Variants in FAM81A observed in about 807,000 individuals in gnomAD.
FAM81A encodes protein FAM81A.
FAM81A carries 19 observed loss-of-function variants against 46.7 expected under a neutral mutation model. That is an observed-to-expected ratio of 0.41 (90% CI 0.28 to 0.60). FAM81A has a LOEUF of 0.60. Among genes scored for constraint, FAM81A ranks in the 20% least tolerant of loss-of-function variants. The pLI is 0.34. For synonymous variants in FAM81A, 183 were observed against 152.9 expected (o/e 1.20, Z -1.45); for missense variants, 377 against 453.5 (o/e 0.83, Z 1.53).
At chr15:59,480,358 C>T (rs1433957603) in intron 3 of FAM81A, among the ~76,000 whole-genome samples, 2 of 152,126 alleles carry the variant, frequency 1.3e-5, no homozygotes, top group Non-Finnish European at 2.9e-5. Context: ...TTCCTGGCAA[C>T]GCTGGCCTGT....
At chr15:59,409,434 G>C (rs1220395083) in intron 2 of FAM81A, among the ~76,000 whole-genome samples, 1 of 152,128 alleles carries the variant, frequency 6.6e-6, no homozygotes, top group Admixed American at 6.6e-5. Flanking sequence ...CATGCTTCAT[G>C]ACCATGTGGT....
At chr15:59,495,012 T>C (rs1356484903) in intron 4 of FAM81A, among the ~76,000 whole-genome samples, 1 of 151,972 alleles carries the variant, frequency 6.6e-6, no homozygotes, top group African/African-American at 2.4e-5. Context: ...CTCCTTTCTC[T>C]CTCCTCTCTC....
At chr15:59,429,148 C>G (rs1382241762) in intron 2 of FAM81A, among the ~76,000 whole-genome samples, 2 of 152,164 alleles carry the variant, frequency 1.3e-5, no homozygotes, top group Non-Finnish European at 2.9e-5. Context: ...TCTTCAACTG[C>G]TAATATTGGG....
At chr15:59,482,060 A>C (rs527617670) in intron 3 of FAM81A, among the ~76,000 whole-genome samples, 137 of 152,186 alleles carry the variant, frequency 9.0e-4, no homozygotes, top group African/African-American at 3.1e-3. Flanking sequence ...TCCCACTATC[A>C]ACATCCCACA....
At chr15:59,414,961 G>C (rs537658216) in intron 2 of FAM81A, among the ~76,000 whole-genome samples, 1 of 146,036 alleles carries the variant, frequency 6.8e-6, no homozygotes, top group Non-Finnish European at 1.5e-5. Flanking sequence ...GACTACAGGC[G>C]TCCGCCACAA....
chr15:59,517,070 G>A (rs1315941131), intron 8 of FAM81A, among the ~76,000 whole-genome samples: 1 of 152,114 alleles, frequency 6.6e-6, no homozygotes, highest in African/African-American at 2.4e-5. Context: ...AACTGAAATT[G>A]CTTAGCCTGC....
At chr15:59,507,837 A>G (rs1418595337) in intron 5 of FAM81A, among the ~76,000 whole-genome samples, 1 of 152,232 alleles carries the variant, frequency 6.6e-6, no homozygotes, top group Non-Finnish European at 1.5e-5. Flanking sequence ...TCACAGATTA[A>G]TTTCACAAAG....
chr15:59,460,489 A>C lies in FAM81A; in HGVS notation c.294+283A>C. ...ATTTTGTTTGGCTCTTAATGAAGAG[A>C]GAGAAGAACTAGTCGAATAGTTTCA... On this transcript the variant is annotated intron_variant, in intron 3 of 8. Transcript: ENST00000288228. The surrounding 1 kb of genome is among the most constrained non-coding windows in gnomAD (Gnocchi z 4.4). 1 of 488,912 alleles carries C rather than the reference A, an allele frequency of 2.0e-6. No individual in the cohort carries two copies. Among genetic ancestry groups the C allele is most frequent in the Non-Finnish European group, 3.7e-6 (1 of 267,976 alleles). 30.3% of individuals were successfully genotyped at this position (488,912 alleles called of 1,614,324 possible).
At chr15:59,443,498 T>C (rs1324106628) in intron 1 of FAM81A, among the ~76,000 whole-genome samples, 2 of 152,222 alleles carry the variant, frequency 1.3e-5, no homozygotes, top group African/African-American at 4.8e-5. Context: ...CCAGTCATTC[T>C]GTCTCTCGTG....
chr15:59,507,901 C>T (rs2082166312), intron 5 of FAM81A, among the ~76,000 whole-genome samples: 2 of 152,192 alleles, frequency 1.3e-5, no homozygotes, highest in African/African-American at 4.8e-5. Flanking sequence ...TTTCCCTTTG[C>T]CATCATAGGG....
chr15:59,458,144 G>A (rs2081506610), intron 1 of FAM81A, among the ~76,000 whole-genome samples: 1 of 152,124 alleles, frequency 6.6e-6, no homozygotes, highest in Non-Finnish European at 1.5e-5. Flanking sequence ...AAAGTTTTCT[G>A]AGATCAAATT....
intron 1 of FAM81A, among the ~76,000 whole-genome samples, chr15:59,449,917 C>A (rs1596479466): frequency 7.3e-6 from 1 of 136,244 alleles, no homozygotes; most frequent in South Asian, 2.4e-4. Context: ...ATTTCTTTTT[C>A]TCTTTCTTTC....
intron 4 of FAM81A, among the ~76,000 whole-genome samples, chr15:59,499,365 C>T (rs2082066771): frequency 6.6e-6 from 1 of 152,158 alleles, no homozygotes. Flanking sequence ...ATGTAATGTA[C>T]ATTGTTCTAT....
chr15:59,416,621 T>A (rs1429649297), intron 2 of FAM81A, among the ~76,000 whole-genome samples: 3 of 152,140 alleles, frequency 2.0e-5, no homozygotes, highest in African/African-American at 7.2e-5. Flanking sequence ...CAATCCCTCC[T>A]AAGATTTACT....
chr15:59,458,468 A>T, intron 1 of FAM81A, 82 bp from the exon 2 acceptor site: 2 of 864,468 alleles, frequency 2.3e-6, no homozygotes, highest in Non-Finnish European at 1.8e-6. Context: ...TTTATGATCC[A>T]CTTAGCAACT....
intron 3 of FAM81A, among the ~76,000 whole-genome samples, chr15:59,463,809 GT>G (rs1168216721): frequency 1.3e-5 from 2 of 151,602 alleles, no homozygotes; most frequent in African/African-American, 2.4e-5. Context: ...AATTTTGTCA[GT>G]TTTTTTTGTT....
chr15:59,401,922 T>C, intron 1 of FAM81A: 1 of 752,700 alleles, frequency 1.3e-6, no homozygotes, highest in Non-Finnish European at 2.4e-6. Context: ...CTCTCGACTT[T>C]CTTTCTTTCT....
intron 4 of FAM81A, among the ~76,000 whole-genome samples, chr15:59,498,447 A>G (rs562657814): frequency 2.6e-5 from 4 of 152,342 alleles, no homozygotes; most frequent in Admixed American, 2.0e-4. Context: ...GATTTTCTAC[A>G]TACAGATCAT....
At chr15:59,425,579 A>ATTT (rs1326823907) in intron 2 of FAM81A, among the ~76,000 whole-genome samples, 3 of 152,142 alleles carry the variant, frequency 2.0e-5, no homozygotes, top group Admixed American at 1.3e-4. Flanking sequence ...TCTGGAAAAT[A>ATTT]TTTTTGTTTT....
Sources: allele counts gnomAD v4.1 joint callset (sites outside exome capture counted in the v4.1 genomes callset), GRCh38; gene constraint gnomAD v4.1.1; non-coding constraint Gnocchi (gnomAD v3.1); transcripts MANE v1.5; gene names NCBI Gene and HGNC (gene_info 2026-07-23, HGNC 2026-07-21).